STARD13: variants seen among roughly 807,000 people sequenced by gnomAD.
The protein encoded by STARD13 is StAR related lipid transfer domain containing 13.
STARD13 carries 62 observed loss-of-function variants against 106.4 expected under a neutral mutation model. The ratio of observed to expected loss-of-function variants is 0.58; its 90% CI spans 0.48 to 0.72. The LOEUF (loss-of-function observed/expected upper bound fraction) is 0.72. STARD13 is among the 30% of genes least tolerant of loss of function. The pLI, the probability that STARD13 is intolerant of heterozygous loss-of-function variation, is 0.00. For missense variants in STARD13, 1,387 were observed against 1,424.0 expected (o/e 0.97, Z 0.42); for synonymous variants, 565 against 553.0 (o/e 1.02, Z -0.31).
At chr13:33,599,859 A>G in the STARD13 span, among the ~76,000 whole-genome samples, 1 of 152,242 alleles carries the variant, frequency 6.6e-6, no homozygotes, top group Admixed American at 6.5e-5. Flanking sequence ...AAGATCAATG[A>G]TGGATTACAA....
the STARD13 span, among the ~76,000 whole-genome samples, chr13:33,421,066 T>C: frequency 6.6e-6 from 1 of 152,062 alleles, no homozygotes; most frequent in Admixed American, 6.6e-5. Context: ...AGCAAACACA[T>C]TCAAAAGCTA....
the STARD13 span, among the ~76,000 whole-genome samples, chr13:33,402,336 T>A: frequency 6.6e-6 from 1 of 152,110 alleles, no homozygotes; most frequent in Non-Finnish European, 1.5e-5. Context: ...CTTGATAAAA[T>A]TAGGGTTAGA....
intron 1 of STARD13, among the ~76,000 whole-genome samples, chr13:33,225,696 T>C (rs1323781403): frequency 6.6e-6 from 1 of 152,182 alleles, no homozygotes; most frequent in African/African-American, 2.4e-5. Flanking sequence ...TGATCTTTGA[T>C]ATATTTTTTA....
the STARD13 span, among the ~76,000 whole-genome samples, chr13:33,644,009 G>C: frequency 2.0e-5 from 3 of 152,216 alleles, no homozygotes; most frequent in African/African-American, 7.2e-5. Context: ...CTACTTGTTA[G>C]CTTCAGTTTT....
At chr13:33,267,910 G>A (rs1890976419) in intron 1 of STARD13, among the ~76,000 whole-genome samples, 1 of 152,086 alleles carries the variant, frequency 6.6e-6, no homozygotes, top group Non-Finnish European at 1.5e-5. Context: ...GCTTCTTCTG[G>A]GCTTATCTTA....
chr13:33,453,089 T>A, the STARD13 span, among the ~76,000 whole-genome samples: 1 of 152,232 alleles, frequency 6.6e-6, no homozygotes, highest in Non-Finnish European at 1.5e-5. Context: ...TTTGAGTATT[T>A]CATAGGCATA....
intron 1 of STARD13, among the ~76,000 whole-genome samples, chr13:33,273,402 T>A (rs1180756103): frequency 6.6e-6 from 1 of 152,246 alleles, no homozygotes; most frequent in Admixed American, 6.5e-5. Flanking sequence ...ATGTAACTTA[T>A]GATGTATAAG....
intron 3 of STARD13, among the ~76,000 whole-genome samples, chr13:33,144,797 A>T (rs1302350782): frequency 6.6e-6 from 1 of 152,178 alleles, no homozygotes; most frequent in Non-Finnish European, 1.5e-5. Flanking sequence ...ATTGCCTGTT[A>T]TTTATAAAAT....
intron 1 of STARD13, among the ~76,000 whole-genome samples, chr13:33,201,495 C>A (rs1381280220): frequency 6.6e-6 from 1 of 152,198 alleles, no homozygotes; most frequent in East Asian, 1.9e-4. Context: ...TGCCAAAAAA[C>A]TTCCACAATT....
chr13:33,570,780 A>C, the STARD13 span, among the ~76,000 whole-genome samples: 3 of 152,160 alleles, frequency 2.0e-5, no homozygotes, highest in Non-Finnish European at 4.4e-5. Flanking sequence ...GACTGATCAA[A>C]TGAAGCGTCT....
chr13:33,255,755 G>C (rs551331411), intron 1 of STARD13, among the ~76,000 whole-genome samples: 1 of 152,104 alleles, frequency 6.6e-6, no homozygotes, highest in Non-Finnish European at 1.5e-5. Flanking sequence ...GGGCAGGGAG[G>C]GGACGGCTCA....
At chr13:33,537,370 G>A in the STARD13 span, among the ~76,000 whole-genome samples, 1 of 152,178 alleles carries the variant, frequency 6.6e-6, no homozygotes, top group Non-Finnish European at 1.5e-5. Flanking sequence ...AAAACTGTTT[G>A]TATAAATAAT....
the STARD13 span, among the ~76,000 whole-genome samples, chr13:33,537,439 A>C: frequency 6.6e-6 from 1 of 152,218 alleles, no homozygotes; most frequent in African/African-American, 2.4e-5. Flanking sequence ...TCTTATTAAA[A>C]CCCAGTCTTG....
At chr13:33,410,978 T>C in the STARD13 span, among the ~76,000 whole-genome samples, 4 of 152,218 alleles carry the variant, frequency 2.6e-5, no homozygotes, top group African/African-American at 7.2e-5. Flanking sequence ...CTCATCAAAA[T>C]TTCCATGCAA....
chr13:33,626,725 A>G, the STARD13 span, among the ~76,000 whole-genome samples: 1 of 152,238 alleles, frequency 6.6e-6, no homozygotes, highest in East Asian at 1.9e-4. Context: ...AAGTGGTGCT[A>G]TATGCCAGCA....
intron 3 of STARD13, among the ~76,000 whole-genome samples, chr13:33,162,340 G>A (rs1020765097): frequency 6.6e-6 from 1 of 152,210 alleles, no homozygotes; most frequent in African/African-American, 2.4e-5. Flanking sequence ...AGGGACTGCT[G>A]TGAAGACCTA....
intron 1 of STARD13, among the ~76,000 whole-genome samples, chr13:33,176,259 G>C (rs1884509677): frequency 6.6e-6 from 1 of 152,146 alleles, no homozygotes; most frequent in Admixed American, 6.5e-5. Flanking sequence ...GATATTGTAT[G>C]TATTTTCTTA....
At chr13:33,131,981 C>T (rs963480242) in intron 4 of STARD13, among the ~76,000 whole-genome samples, 6 of 152,200 alleles carry the variant, frequency 3.9e-5, no homozygotes, top group East Asian at 1.9e-4. Flanking sequence ...ATGTATCTAG[C>T]GTCCACTTTA....
chr13:33,640,731 C>T, the STARD13 span, among the ~76,000 whole-genome samples: 2 of 152,194 alleles, frequency 1.3e-5, no homozygotes, highest in African/African-American at 4.8e-5. Flanking sequence ...GAAGTGAGTA[C>T]ATGAGAATCT....
Sources: allele counts gnomAD v4.1 joint callset (sites outside exome capture counted in the v4.1 genomes callset), GRCh38; gene constraint gnomAD v4.1.1; transcripts MANE v1.5; gene names NCBI Gene and HGNC (gene_info 2026-07-23, HGNC 2026-07-21).